The following RAP1GAP2 variants were observed in gnomAD, a reference collection of about 807,000 sequenced individuals.
The protein encoded by RAP1GAP2 is RAP1 GTPase activating protein 2.
RAP1GAP2 carries 27 observed loss-of-function variants against 95.0 expected under a neutral mutation model. The observed-to-expected ratio is 0.28, with a 90% CI of 0.21 to 0.39. RAP1GAP2 has a LOEUF of 0.39. RAP1GAP2 is among the 10% of genes least tolerant of loss of function. The pLI, the probability that RAP1GAP2 is intolerant of heterozygous loss-of-function variation, is 1.00. For missense variants in RAP1GAP2, 771 were observed against 970.0 expected, an observed-to-expected ratio of 0.79 and a Z score of 2.72; for synonymous variants, 373 against 380.9, an observed-to-expected ratio of 0.98 and a Z score of 0.24.
chr17:2,768,837 G>A (rs1369213604), intron 1 of RAP1GAP2, among the ~76,000 whole-genome samples: 1 of 151,880 alleles, frequency 6.6e-6, no homozygotes, highest in African/African-American at 2.4e-5. Flanking sequence ...AGAACAGCTG[G>A]GAGCCTGGGA....
At chr17:3,025,089 A>G (rs2047063671) in intron 19 of RAP1GAP2, among the ~76,000 whole-genome samples, 1 of 152,214 alleles carries the variant, frequency 6.6e-6, no homozygotes, top group African/African-American at 2.4e-5. Context: ...TAAAAAGTAC[A>G]TTGACGGCCA....
chr17:2,969,432 AAC>A (rs34917196), intron 8 of RAP1GAP2, among the ~76,000 whole-genome samples: 60 of 146,412 alleles, frequency 4.1e-4, no homozygotes, highest in African/African-American at 1.5e-3. Context: ...AACCATTTGA[AAC>A]ACACACACAC....
intron 2 of RAP1GAP2, among the ~76,000 whole-genome samples, chr17:2,844,478 T>A (rs974627596): frequency 6.6e-6 from 1 of 152,134 alleles, no homozygotes; most frequent in African/African-American, 2.4e-5. Context: ...ATTTTCCTTA[T>A]GGAAAGGGGG....
At chr17:2,760,309 AAAAAG>A (rs1281052938) in intron 1 of RAP1GAP2, among the ~76,000 whole-genome samples, 1 of 150,650 alleles carries the variant, frequency 6.6e-6, no homozygotes, top group Non-Finnish European at 1.5e-5. Flanking sequence ...AAAAAAAAAA[AAAAAG>A]AAAAGAAAAA....
chr17:2,926,937 C>T (rs12945021), intron 3 of RAP1GAP2, among the ~76,000 whole-genome samples: 66,054 of 138,228 alleles, frequency 0.48, 16,289 homozygotes, highest in Non-Finnish European at 0.55. Context: ...ACCCGGGAGG[C>T]GGAGGTTGCA....
chr17:2,853,871 G>A (rs1203553968), intron 2 of RAP1GAP2: 1 of 959,422 alleles, frequency 1.0e-6, no homozygotes, highest in Non-Finnish European at 1.2e-6. Flanking sequence ...CCTAGGCGGG[G>A]CGGGGCCCAT....
Position 2,820,883 on chromosome 17 carries a change from C to T in RAP1GAP2, c.80+20333C>T, listed in dbSNP as rs958492989. Among the ~76,000 whole-genome samples, 91 of 96,954 alleles carry T rather than the reference C, an allele frequency of 9.4e-4. 3 individuals are homozygous for T. Among genetic ancestry groups the T allele is most frequent in the African/African-American group, 2.2e-3 (53 of 24,290 alleles). The allele number at this position is 96,954 out of a possible 152,430, so 63.6% of individuals were successfully genotyped here. ...ACTACAGGTGCCCGCCACCACGGCC[C>T]GGATAATGGTTTTTTTTTTTTTTTT... On this transcript the variant is annotated intron_variant, in intron 2 of 24. Coordinates refer to ENST00000254695, the MANE Select transcript of RAP1GAP2 (RefSeq NM_015085.5).
intron 8 of RAP1GAP2, among the ~76,000 whole-genome samples, chr17:2,978,893 C>T (rs989389444): frequency 6.6e-6 from 1 of 151,824 alleles, no homozygotes; most frequent in African/African-American, 2.4e-5. Context: ...CGAGATCACG[C>T]CATTGCACTC....
intron 3 of RAP1GAP2, among the ~76,000 whole-genome samples, chr17:2,918,989 G>T (rs2042664154): frequency 6.6e-6 from 1 of 152,160 alleles, no homozygotes. Context: ...TGCTTAGAGA[G>T]ACCATCTAGG....
At position 2,857,883 on chromosome 17, in the gene RAP1GAP2, TGA is replaced by T. The variant is rs1252114957; in HGVS notation, c.81-47399_81-47398del. 6.6e-5 allele frequency among the ~76,000 whole-genome samples: 10 copies of T among 152,120 alleles called. No homozygotes were observed. Among genetic ancestry groups the T allele is most frequent in the African/African-American group, 2.4e-4 (10 of 41,422 alleles). On this transcript the variant is annotated intron_variant, in intron 2 of 24. Coordinates refer to ENST00000254695, the MANE Select transcript of RAP1GAP2 (RefSeq NM_015085.5). The surrounding 1 kb of genome is among the most constrained non-coding windows in gnomAD (Gnocchi z 4.0). ...GGGAGGCCGAGGTGGGTGGACCACC[TGA>T]GGTCAGGAGTTGAAAACCACCCTGG...
chr17:3,018,764 C>T (rs1162491030), intron 18 of RAP1GAP2, among the ~76,000 whole-genome samples: 1 of 152,148 alleles, frequency 6.6e-6, no homozygotes, highest in East Asian at 1.9e-4. Flanking sequence ...CTCAGCTAAG[C>T]TTAAGAGCTG....
chr17:2,783,291 G>A (rs2068700323), intron 1 of RAP1GAP2, among the ~76,000 whole-genome samples: 2 of 152,224 alleles, frequency 1.3e-5, no homozygotes, highest in South Asian at 2.1e-4. Context: ...CATTTGGATC[G>A]GATCACCCTA....
At chr17:2,886,255 C>T (rs1215515717) in intron 2 of RAP1GAP2, among the ~76,000 whole-genome samples, 1 of 151,254 alleles carries the variant, frequency 6.6e-6, no homozygotes, top group Non-Finnish European at 1.5e-5. Flanking sequence ...TCACTGCAAC[C>T]TCCGCCTCCC....
chr17:2,891,294 C>T (rs575348263), intron 2 of RAP1GAP2, among the ~76,000 whole-genome samples: 1 of 151,978 alleles, frequency 6.6e-6, no homozygotes, highest in South Asian at 2.1e-4. Flanking sequence ...ACCATGGGTG[C>T]TTGCCACCAT....
intron 2 of RAP1GAP2, among the ~76,000 whole-genome samples, chr17:2,843,935 CG>C (rs912353080): frequency 1.3e-5 from 2 of 150,064 alleles, no homozygotes; most frequent in Non-Finnish European, 3.0e-5. Flanking sequence ...GGGTTGGGGG[CG>C]GGGGTGGAGG....
At chr17:2,891,814 CTTTTTT>C (rs917540694) in intron 2 of RAP1GAP2, among the ~76,000 whole-genome samples, 28 of 54,284 alleles carry the variant, frequency 5.2e-4, no homozygotes, top group African/African-American at 1.6e-3. Flanking sequence ...TATTTCTTTT[CTTTTTT>C]TTTTTTTTTT....
Position 2,963,720 on chromosome 17 carries a change from A to G in RAP1GAP2, c.280-136A>G. 1 of 858,358 alleles carries G rather than the reference A, an allele frequency of 1.2e-6. No homozygotes were observed. Among genetic ancestry groups the G allele is most frequent in the Non-Finnish European group, 1.8e-6 (1 of 562,088 alleles). 53.2% of individuals were successfully genotyped at this position (858,358 alleles called of 1,614,324 possible). On this transcript the variant is annotated intron_variant, in intron 6 of 24. Transcript: ENST00000254695. The surrounding 1 kb of genome is among the most constrained non-coding windows in gnomAD (Gnocchi z 4.8). ...GTTGTGGGGCTTGGAGGAGGGGTTCATGTCACTGCCTTTGGCCTCAAGTAC... is the reference window on the plus strand; with the variant it reads ...GTTGTGGGGCTTGGAGGAGGGGTTCGTGTCACTGCCTTTGGCCTCAAGTAC...
intron 2 of RAP1GAP2, among the ~76,000 whole-genome samples, chr17:2,833,676 C>A (rs1469293852): frequency 8.0e-6 from 1 of 125,314 alleles, no homozygotes; most frequent in African/African-American, 3.1e-5. Flanking sequence ...GGAGACACAG[C>A]GAGACTCCGT....
At chr17:2,918,682 G>C (rs2042653244) in intron 3 of RAP1GAP2, among the ~76,000 whole-genome samples, 1 of 152,082 alleles carries the variant, frequency 6.6e-6, no homozygotes, top group South Asian at 2.1e-4. Flanking sequence ...GACGGCACCA[G>C]GGAGGGGATG....
Sources: gnomAD v4.1 joint callset for allele counts (sites outside exome capture counted in the v4.1 genomes callset) on GRCh38, gnomAD v4.1.1 for gene constraint, Gnocchi (gnomAD v3.1) non-coding constraint, MANE v1.5 for transcripts, NCBI Gene and HGNC (gene_info 2026-07-23, HGNC 2026-07-21) for gene names.